Variants in AUTS2 observed in about 807,000 individuals in gnomAD.
AUTS2 encodes the protein activator of transcription and developmental regulator AUTS2, also known as autism susceptibility gene 2 protein.
AUTS2 carries 17 observed loss-of-function variants against 112.4 expected under a neutral mutation model. The ratio of observed to expected loss-of-function variants is 0.15; its 90% confidence interval spans 0.10 to 0.23. The LOEUF (loss-of-function observed/expected upper bound fraction) is 0.23, where lower values mean the gene tolerates loss of function less well. Among genes scored for constraint, AUTS2 ranks in the 10% least tolerant of loss-of-function variants. The probability of loss-of-function intolerance (pLI) is 1.00; values close to 1 mark genes in which losing one functional copy is unlikely to be tolerated. For missense variants in AUTS2, 1,510 were observed against 1,701.6 expected, an observed-to-expected ratio of 0.89 and a Z score of 1.98; for synonymous variants, 751 against 702.7, an observed-to-expected ratio of 1.07 and a Z score of -1.09.
chr7:70,777,196 T>C lies in AUTS2; in HGVS notation c.2004+22T>C, dbSNP rs1321198061. The C allele has an allele frequency of 5.0e-6, 8 of 1,608,190 alleles. No individual in the cohort carries two copies. In the Admixed American group the frequency reaches 1.2e-4, roughly 23 times the overall value. ...CAAGGTCAGTCCGACCTTCGTGGTGTAGGGAAGAATGGGATGCACATGTGA... is the reference window on the plus strand; with the variant it reads ...CAAGGTCAGTCCGACCTTCGTGGTGCAGGGAAGAATGGGATGCACATGTGA... On this transcript the variant is annotated intron_variant, in intron 14 of 18. Coordinates refer to ENST00000342771, the MANE Select transcript of AUTS2 (RefSeq NM_015570.4).
intron 4 of AUTS2, among the ~76,000 whole-genome samples, chr7:70,341,094 A>T (rs1413977335): frequency 2.0e-5 from 3 of 152,304 alleles, no homozygotes; most frequent in Middle Eastern, 3.4e-3. Context: ...TAATGAGTTT[A>T]TTGTATAATA....
intron 4 of AUTS2, among the ~76,000 whole-genome samples, chr7:70,342,338 C>G (rs1310057657): frequency 1.4e-5 from 2 of 142,870 alleles, no homozygotes; most frequent in Non-Finnish European, 1.5e-5. Flanking sequence ...TTTTTTTTTG[C>G]GGGGGGGAAG....
chr7:70,259,435 A>T (rs1328998243), intron 4 of AUTS2, among the ~76,000 whole-genome samples: 2 of 152,118 alleles, frequency 1.3e-5, no homozygotes, highest in East Asian at 3.9e-4. Context: ...CAATCAGTTC[A>T]TGCCATTGGC....
intron 2 of AUTS2, among the ~76,000 whole-genome samples, chr7:69,965,068 A>G (rs1423284770): frequency 6.6e-6 from 1 of 151,996 alleles, no homozygotes; most frequent in African/African-American, 2.4e-5. Context: ...CAAGAATCAC[A>G]TCTCTATCTG....
chr7:70,386,549 T>C (rs1793616217), intron 4 of AUTS2, among the ~76,000 whole-genome samples: 1 of 152,174 alleles, frequency 6.6e-6, no homozygotes, highest in Non-Finnish European at 1.5e-5. Context: ...CAATCACTAA[T>C]CTACTATCTC....
At chr7:70,086,928 TC>T (rs1354772335) in intron 2 of AUTS2, among the ~76,000 whole-genome samples, 1 of 149,478 alleles carries the variant, frequency 6.7e-6, no homozygotes, top group Admixed American at 6.7e-5. Flanking sequence ...AATATAATTT[TC>T]CTTTTTTTTT....
intron 5 of AUTS2, among the ~76,000 whole-genome samples, chr7:70,519,395 T>C (rs946296740): frequency 6.6e-6 from 1 of 152,194 alleles, no homozygotes; most frequent in African/African-American, 2.4e-5. Flanking sequence ...CCTTTAAAAA[T>C]GTATTGGATG....
chr7:69,871,564 T>C (rs1793499010), intron 1 of AUTS2, among the ~76,000 whole-genome samples: 1 of 152,200 alleles, frequency 6.6e-6, no homozygotes, highest in Non-Finnish European at 1.5e-5. Context: ...ACAACAGTTA[T>C]TAACCACAGT....
chr7:70,764,996 A>G lies in AUTS2; in HGVS notation c.1459A>G (p.Thr487Ala). ...LQVAGHPAGS[T>A]YSEQDILRQE... ...GGTGGCCGGACACCCGGCCGGGAGC[A>G]CTTACTCAGGTAGGACGGAGGGGCC... The change falls in exon 8 of 19, where the codon ACT becomes GCT. Residue 487 changes from threonine to alanine, a missense_variant. By Grantham distance (58) the Thr-to-Ala change is moderately conservative. Around this residue, in one of 3 missense-constraint regions of AUTS2, gnomAD observed 187 missense variants for 309.7 expected, o/e 0.60. Coordinates refer to ENST00000342771, the MANE Select transcript of AUTS2 (RefSeq NM_015570.4). 1.2e-6 allele frequency: 2 copies of G among 1,613,666 alleles called. No homozygotes were observed. Among genetic ancestry groups the G allele is most frequent in the South Asian group, 1.1e-5 (1 of 91,038 alleles).
At chr7:69,662,949 A>G (rs890491333) in intron 1 of AUTS2, among the ~76,000 whole-genome samples, 49 of 152,218 alleles carry the variant, frequency 3.2e-4, no homozygotes, top group Non-Finnish European at 8.8e-5. Context: ...TGTGATTTCC[A>G]CAAATAGATC....
chr7:69,671,887 A>G (rs902209371), intron 1 of AUTS2, among the ~76,000 whole-genome samples: 2 of 152,090 alleles, frequency 1.3e-5, no homozygotes, highest in African/African-American at 2.4e-5. Flanking sequence ...CAGAATTAAA[A>G]TAAGTAGAAA....
chr7:70,015,818 T>G (rs1194817843), intron 2 of AUTS2, among the ~76,000 whole-genome samples: 1 of 151,704 alleles, frequency 6.6e-6, no homozygotes, highest in African/African-American at 2.4e-5. Flanking sequence ...TTTTTTTTTT[T>G]AGCATCCAGT....
intron 1 of AUTS2, among the ~76,000 whole-genome samples, chr7:69,762,561 G>A (rs952520236): frequency 6.6e-6 from 1 of 151,624 alleles, no homozygotes; most frequent in Non-Finnish European, 1.5e-5. Context: ...TGCCCGCTTC[G>A]GCCTCCCAAA....
intron 14 of AUTS2, among the ~76,000 whole-genome samples, chr7:70,778,571 TAA>T (rs796134070): frequency 3.9e-5 from 3 of 77,554 alleles, no homozygotes. Flanking sequence ...ATCTCATCTC[TAA>T]AAAAAAAAAA....
At chr7:70,290,496 T>TA in intron 4 of AUTS2, 1 of 1,542,076 alleles carries the variant, frequency 6.5e-7, no homozygotes, top group South Asian at 1.2e-5. Context: ...TCAAATTGCT[T>TA]AAAGGATTCT....
At chr7:70,270,242 A>G (rs934640953) in intron 4 of AUTS2, among the ~76,000 whole-genome samples, 2 of 152,188 alleles carry the variant, frequency 1.3e-5, no homozygotes, top group African/African-American at 2.4e-5. Flanking sequence ...CCAAGGAAAA[A>G]TGAATATGGC....
At chr7:70,170,188 C>G (rs1808598732) in intron 4 of AUTS2, among the ~76,000 whole-genome samples, 1 of 137,236 alleles carries the variant, frequency 7.3e-6, no homozygotes, top group Non-Finnish European at 1.5e-5. Context: ...GAGACAGGGT[C>G]TTACTTCTTC....
chr7:70,011,872 G>A (rs1799821526), intron 2 of AUTS2, among the ~76,000 whole-genome samples: 1 of 152,138 alleles, frequency 6.6e-6, no homozygotes, highest in South Asian at 2.1e-4. Context: ...GCTAGACGAA[G>A]TTTCCCTCTG....
intron 5 of AUTS2, among the ~76,000 whole-genome samples, chr7:70,540,939 T>A (rs1800528809): frequency 1.3e-5 from 2 of 152,186 alleles, no homozygotes; most frequent in Non-Finnish European, 2.9e-5. Flanking sequence ...GAACTTGTGC[T>A]GGAAAACAGT....
Sources: gnomAD v4.1 joint callset for allele counts (sites outside exome capture counted in the v4.1 genomes callset) on GRCh38, gnomAD v4.1.1 for gene constraint, gnomAD v4.1.1 regional missense constraint, MANE v1.5 for transcripts, NCBI Gene and HGNC (gene_info 2026-07-23, HGNC 2026-07-21) for gene names.